SUFU: variants seen among roughly 807,000 people sequenced by gnomAD.
SUFU encodes SUFU negative regulator of hedgehog signaling.
SUFU carries 7 observed loss-of-function variants against 58.9 expected under a neutral mutation model. That is an observed-to-expected ratio of 0.12 (90% CI 0.07 to 0.22). The LOEUF (loss-of-function observed/expected upper bound fraction) is 0.22, where lower values mean the gene tolerates loss of function less well. SUFU is among the 10% of genes least tolerant of loss of function. SUFU has a pLI of 1.00. For missense variants in SUFU, 451 were observed against 641.3 expected, an observed-to-expected ratio of 0.70 and a Z score of 3.20; for synonymous variants, 232 against 254.8, an observed-to-expected ratio of 0.91 and a Z score of 0.85.
At chr10:102,522,936 T>G (rs917987198) in intron 2 of SUFU, among the ~76,000 whole-genome samples, 1 of 152,182 alleles carries the variant, frequency 6.6e-6, no homozygotes. Context: ...TGATACAGTT[T>G]CACAGCCTTA....
At chr10:102,568,874 C>CAAAAAA (rs59877393) in intron 3 of SUFU, among the ~76,000 whole-genome samples, 26 of 14,520 alleles carry the variant, frequency 1.8e-3, no homozygotes, top group Non-Finnish European at 2.4e-3. Flanking sequence ...AACTCTGTCT[C>CAAAAAA]AAAAAAAAAA....
At position 102,504,199 on chromosome 10, in the gene SUFU, C is replaced by CCCCCCCCG; in HGVS notation, c.47_48insCCCCCCCG (p.Ala17ProfsTer82). 6.3e-7 allele frequency: 1 copy of CCCCCCCCG among 1,582,164 alleles called. No homozygotes were observed. The highest frequency in any genetic ancestry group is 8.6e-7 in the Non-Finnish European group (1 of 1,165,768). Reference sequence around the variant, plus strand: ...GGCGCCCCCGGCCCCACCGCGCCCCCGGCCCCTGGCCCGACTGCCCCCCCG... The same window carrying CCCCCCCCG: ...GGCGCCCCCGGCCCCACCGCGCCCCCCCCCCCCGGGCCCCTGGCCCGACTGCCCCCCCG... On this transcript the variant is annotated frameshift_variant, in exon 1 of 12. Coordinates refer to ENST00000369902, the MANE Select transcript of SUFU (RefSeq NM_016169.4). LOFTEE classifies it high-confidence loss of function.
intron 3 of SUFU, among the ~76,000 whole-genome samples, chr10:102,553,110 T>G (rs1040081403): frequency 2.6e-4 from 39 of 152,194 alleles, no homozygotes; most frequent in Admixed American, 2.6e-3. Flanking sequence ...CCTAAAAGTG[T>G]AATACTTGAC....
chr10:102,576,175 TAAAGTC>T (rs1166970544), intron 3 of SUFU, among the ~76,000 whole-genome samples: 1 of 152,060 alleles, frequency 6.6e-6, no homozygotes, highest in Non-Finnish European at 1.5e-5. Context: ...ACTATACAGA[TAAAGTC>T]AAAGTTCTCT....
intron 7 of SUFU, 152 bp from the exon 8 acceptor site, chr10:102,599,281 C>T: frequency 1.4e-6 from 1 of 719,368 alleles, no homozygotes; most frequent in South Asian, 1.4e-5. Flanking sequence ...TCTGTACTCA[C>T]TCAGCGCTTA....
At chr10:102,550,957 T>G (rs1056762073) in intron 3 of SUFU, among the ~76,000 whole-genome samples, 1 of 152,146 alleles carries the variant, frequency 6.6e-6, no homozygotes, top group Non-Finnish European at 1.5e-5. Flanking sequence ...TTGGTCAGGC[T>G]GCTATCGAAC....
chr10:102,543,020 C>A (rs2062820487), intron 2 of SUFU, among the ~76,000 whole-genome samples: 1 of 152,172 alleles, frequency 6.6e-6, no homozygotes, highest in Non-Finnish European at 1.5e-5. Context: ...TTGAGTCATT[C>A]TCCTATAAAT....
chr10:102,606,838 TAGGAA>T (rs1389884832), intron 8 of SUFU, among the ~76,000 whole-genome samples: 1 of 151,400 alleles, frequency 6.6e-6, no homozygotes, highest in Non-Finnish European at 1.5e-5. Context: ...CATATGGGGG[TAGGAA>T]ATGGATTCAA....
At chr10:102,615,701 C>T (rs531999143) in intron 9 of SUFU, among the ~76,000 whole-genome samples, 42 of 152,292 alleles carry the variant, frequency 2.8e-4, no homozygotes, top group Admixed American at 7.2e-4. Context: ...CTGGGCCATG[C>T]GGTGTTCTCC....
intron 2 of SUFU, among the ~76,000 whole-genome samples, chr10:102,539,158 G>C (rs573235241): frequency 1.3e-5 from 2 of 152,310 alleles, no homozygotes; most frequent in East Asian, 3.9e-4. Flanking sequence ...AGTGACTCCA[G>C]AGTCTTTTTT....
intron 2 of SUFU, among the ~76,000 whole-genome samples, chr10:102,540,953 C>T (rs2062792184): frequency 6.6e-6 from 1 of 151,894 alleles, no homozygotes; most frequent in South Asian, 2.1e-4. Flanking sequence ...ACCCGGGAGG[C>T]GGAGGTTGCA....
intron 2 of SUFU, among the ~76,000 whole-genome samples, chr10:102,518,549 T>C (rs61869602): frequency 3.4e-3 from 272 of 80,278 alleles, no homozygotes; most frequent in Middle Eastern, 0.017. Flanking sequence ...ATCTATCTAT[T>C]TATTTATTTA....
chr10:102,503,965 C>T (rs1423726358), upstream of SUFU: 5 of 816,568 alleles, frequency 6.1e-6, no homozygotes, highest in African/African-American at 9.2e-5. Flanking sequence ...CCGAGGCACC[C>T]TCTGGCAGAC....
At position 102,549,959 on chromosome 10, in the gene SUFU, A is replaced by C. The variant is rs1485269392; in HGVS notation, c.318-11A>C. The C allele has an allele frequency of 6.2e-7, 1 of 1,614,036 alleles. No individual in the cohort carries two copies. The highest frequency in any genetic ancestry group is 1.3e-5 in the African/African-American group (1 of 74,920). On this transcript the variant is annotated splice_polypyrimidine_tract_variant and intron_variant, in intron 2 of 11. Coordinates refer to ENST00000369902, the MANE Select transcript of SUFU (RefSeq NM_016169.4). The stretch of plus-strand genomic sequence containing the variant: ...ATTGAGCTTAAAACACTTGCTTTTT[A>C]TGTCTTTCAGGTTTACAGGAACAGA...
At chr10:102,517,387 G>A (rs907126352) in intron 2 of SUFU, among the ~76,000 whole-genome samples, 2 of 152,152 alleles carry the variant, frequency 1.3e-5, no homozygotes, top group Non-Finnish European at 2.9e-5. Context: ...GTAGGTCAGC[G>A]CTGGGAAAGT....
At chr10:102,519,814 C>T (rs1475945574) in intron 2 of SUFU, among the ~76,000 whole-genome samples, 2 of 152,044 alleles carry the variant, frequency 1.3e-5, no homozygotes, top group Non-Finnish European at 1.5e-5. Context: ...CTCTGTCGCT[C>T]AGGCTGGAAT....
chr10:102,534,896 G>C (rs1171749908), intron 2 of SUFU, among the ~76,000 whole-genome samples: 1 of 152,142 alleles, frequency 6.6e-6, no homozygotes, highest in East Asian at 1.9e-4. Flanking sequence ...TTGTCCCTAT[G>C]CCTGTTGGAG....
At chr10:102,598,087 A>C (rs2063481875) in intron 7 of SUFU, among the ~76,000 whole-genome samples, 1 of 152,104 alleles carries the variant, frequency 6.6e-6, no homozygotes, top group Non-Finnish European at 1.5e-5. Flanking sequence ...ATATGATAAC[A>C]CTTATAAAAG....
In SUFU at chr10:102,619,778, T is replaced by C. The variant is rs1450337204; in HGVS notation, c.1296+2350T>C. On this transcript the variant is annotated intron_variant, in intron 10 of 11. Transcript: ENST00000369902. This position sits in a 1 kb window ranked among gnomAD's most constrained non-coding sequence, Gnocchi z 4.2. ...TGGTCACAGGCAGCTCCCTTGCTTG[T>C]GGGAACCTGGGCTTGTAATTACTTG... Among the ~76,000 whole-genome samples, 1 of 152,146 alleles carries C rather than the reference T, an allele frequency of 6.6e-6. No individual in the cohort carries two copies. Among genetic ancestry groups the C allele is most frequent in the Admixed American group, 6.5e-5 (1 of 15,280 alleles).
Sources: allele counts gnomAD v4.1 joint callset (sites outside exome capture counted in the v4.1 genomes callset), GRCh38; gene constraint gnomAD v4.1.1; non-coding constraint Gnocchi (gnomAD v3.1); transcripts MANE v1.5; gene names NCBI Gene and HGNC (gene_info 2026-07-23, HGNC 2026-07-21).